FAM107B: variants seen among roughly 807,000 people sequenced by gnomAD.
FAM107B encodes the protein protein FAM107B.
In FAM107B, 21 loss-of-function variants were observed where a neutral mutation model predicts 31.5. The observed-to-expected ratio is 0.67, with a 90% CI of 0.47 to 0.96. The LOEUF (loss-of-function observed/expected upper bound fraction) is 0.96, where lower values mean the gene tolerates loss of function less well. FAM107B is among the 40% of genes least tolerant of loss of function. The probability of loss-of-function intolerance (pLI) is 0.00; values close to 1 mark genes in which losing one functional copy is unlikely to be tolerated. For missense variants in FAM107B, 452 were observed against 377.1 expected (o/e 1.20, Z -1.64); for synonymous variants, 157 against 141.5 (o/e 1.11, Z -0.78).
intron 1 of FAM107B, among the ~76,000 whole-genome samples, chr10:14,722,300 A>G (rs1449368745): frequency 6.6e-6 from 1 of 152,208 alleles, no homozygotes; most frequent in Non-Finnish European, 1.5e-5. Flanking sequence ...GATATGTGGC[A>G]TTTGTGAATG....
chr10:14,672,733 T>G (rs1444487386), intron 1 of FAM107B, among the ~76,000 whole-genome samples: 2 of 152,186 alleles, frequency 1.3e-5, no homozygotes, highest in African/African-American at 4.8e-5. Flanking sequence ...CAAGGTAAGA[T>G]TTTGGTACAA....
At chr10:14,724,343 T>G (rs541489603) in intron 1 of FAM107B, among the ~76,000 whole-genome samples, 1 of 152,346 alleles carries the variant, frequency 6.6e-6, no homozygotes, top group African/African-American at 2.4e-5. Flanking sequence ...GTCCCAACAC[T>G]ATTTGTTGAA....
intron 1 of FAM107B, among the ~76,000 whole-genome samples, chr10:14,731,478 CT>C (rs1856172335): frequency 1.3e-5 from 2 of 152,338 alleles, no homozygotes; most frequent in Admixed American, 6.5e-5. Context: ...AGGAGGATCA[CT>C]TGAGCCCAGG....
chr10:14,619,595 T>C, intron 2 of FAM107B, among the ~76,000 whole-genome samples: 1 of 151,708 alleles, frequency 6.6e-6, no homozygotes, highest in East Asian at 1.9e-4. Flanking sequence ...TTCCTCCCCA[T>C]CTATGACTTC....
At chr10:14,769,293 A>G (rs1355151600) in intron 1 of FAM107B, among the ~76,000 whole-genome samples, 1 of 152,208 alleles carries the variant, frequency 6.6e-6, no homozygotes, top group Non-Finnish European at 1.5e-5. Flanking sequence ...TTCTCTGCCC[A>G]GTTGCTAAAC....
At chr10:14,658,330 T>C (rs945081235) in intron 2 of FAM107B, among the ~76,000 whole-genome samples, 6 of 152,180 alleles carry the variant, frequency 3.9e-5, no homozygotes, top group African/African-American at 1.2e-4. Flanking sequence ...CAGACTGTCC[T>C]ACGGTTAAGG....
At chr10:14,726,884 CTAT>C (rs1410281833) in intron 1 of FAM107B, among the ~76,000 whole-genome samples, 1 of 152,078 alleles carries the variant, frequency 6.6e-6, no homozygotes, top group South Asian at 2.1e-4. Context: ...CACTTTATTT[CTAT>C]TATTATTACA....
At chr10:14,762,754 TCACACACACACACACA>T (rs35574582) in intron 1 of FAM107B, among the ~76,000 whole-genome samples, 55 of 116,238 alleles carry the variant, frequency 4.7e-4, no homozygotes, top group Middle Eastern at 4.1e-3. Context: ...AAACTCTGTC[TCACACACACACACACA>T]CACACACACA....
chr10:14,603,166 G>T (rs1350897238), intron 2 of FAM107B, among the ~76,000 whole-genome samples: 1 of 151,996 alleles, frequency 6.6e-6, no homozygotes, highest in South Asian at 2.1e-4. Flanking sequence ...ATTTTCTCAT[G>T]AAAAGTTTTA....
intron 1 of FAM107B, among the ~76,000 whole-genome samples, chr10:14,719,370 A>G (rs1387404171): frequency 6.6e-6 from 1 of 152,238 alleles, no homozygotes; most frequent in Non-Finnish European, 1.5e-5. Flanking sequence ...ATGGGTTTGT[A>G]AGTGTCCTAA....
chr10:14,698,066 A>G (rs1464180633), intron 1 of FAM107B, among the ~76,000 whole-genome samples: 1 of 152,214 alleles, frequency 6.6e-6, no homozygotes, highest in African/African-American at 2.4e-5. Context: ...TGGAGGTTGC[A>G]ATGAGCCGAG....
intron 2 of FAM107B, among the ~76,000 whole-genome samples, chr10:14,579,335 GA>G (rs1487670487): frequency 6.6e-6 from 1 of 152,202 alleles, no homozygotes; most frequent in African/African-American, 2.4e-5. Context: ...AACTCTTTTG[GA>G]AACAGCAATG....
chr10:14,534,240 A>G (rs1317117907), intron 2 of FAM107B, among the ~76,000 whole-genome samples: 3 of 152,074 alleles, frequency 2.0e-5, no homozygotes, highest in Non-Finnish European at 4.4e-5. Context: ...GGGGTCTGGG[A>G]AATGGTCATT....
chr10:14,741,455 C>T (rs1264693920), intron 1 of FAM107B, among the ~76,000 whole-genome samples: 4 of 152,062 alleles, frequency 2.6e-5, no homozygotes, highest in South Asian at 2.1e-4. Context: ...CACCAGCCTA[C>T]GAAGAAGTCT....
chr10:14,616,971 A>C (rs11259228), intron 2 of FAM107B, among the ~76,000 whole-genome samples: 1 of 152,108 alleles, frequency 6.6e-6, no homozygotes, highest in African/African-American at 2.4e-5. Flanking sequence ...GAAAGTAAAA[A>C]TAAAAATAAG....
intron 2 of FAM107B, chr10:14,554,190 T>C (rs1233038850): frequency 7.1e-6 from 7 of 982,154 alleles, no homozygotes; most frequent in Non-Finnish European, 6.0e-6. Flanking sequence ...TCCTCTACCC[T>C]CCCACTGCCT....
chr10:14,546,394 C>T (rs1279038245), intron 2 of FAM107B, among the ~76,000 whole-genome samples: 2 of 152,138 alleles, frequency 1.3e-5, no homozygotes, highest in African/African-American at 4.8e-5. Flanking sequence ...GTGAGTAACA[C>T]CACCATTAAC....
Position 14,520,673 on chromosome 10 carries a change from G to A in FAM107B, c.*517C>T, listed in dbSNP as rs1488355167. The A allele has an allele frequency of 1.3e-5, 2 of 152,292 alleles. No individual in the cohort carries two copies. Among genetic ancestry groups the A allele is most frequent in the Non-Finnish European group, 2.9e-5 (2 of 68,098 alleles). 9.4% of individuals were successfully genotyped at this position (152,292 alleles called of 1,614,324 possible). ...TTCTCTGGTGTTAACTGCAACAGGG[G>A]TGAAAGTATAAATTAAACAAGACAA... On this transcript the variant is annotated 3_prime_UTR_variant, in exon 5 of 5. Coordinates refer to ENST00000181796, the MANE Select transcript of FAM107B (RefSeq NM_031453.4).
At chr10:14,642,477 A>G (rs752436116) in intron 2 of FAM107B, among the ~76,000 whole-genome samples, 4 of 152,178 alleles carry the variant, frequency 2.6e-5, no homozygotes, top group African/African-American at 9.7e-5. Context: ...CTACTTTCTC[A>G]TCTAGTGAAA....
Sources: gnomAD v4.1 joint callset for allele counts (sites outside exome capture counted in the v4.1 genomes callset) on GRCh38, gnomAD v4.1.1 for gene constraint, MANE v1.5 for transcripts, NCBI Gene and HGNC (gene_info 2026-07-23, HGNC 2026-07-21) for gene names.